PDE4B: variants seen among roughly 807,000 people sequenced by gnomAD.
The protein encoded by PDE4B is phosphodiesterase 4B.
In PDE4B, 20 loss-of-function variants were observed where a neutral mutation model predicts 82.2. That is an observed-to-expected ratio of 0.24 (90% CI 0.17 to 0.35). PDE4B has a LOEUF of 0.35. Ranked by LOEUF, PDE4B falls within the 10% of genes least tolerant of loss-of-function variation. The probability of loss-of-function intolerance (pLI) is 1.00; values close to 1 mark genes in which losing one functional copy is unlikely to be tolerated. For missense variants in PDE4B, 655 were observed against 907.2 expected, an observed-to-expected ratio of 0.72 and a Z score of 3.57; for synonymous variants, 320 against 318.9, an observed-to-expected ratio of 1.00 and a Z score of -0.04.
chr1:66,273,260 T>C (rs1655640801), intron 7 of PDE4B, among the ~76,000 whole-genome samples: 1 of 152,336 alleles, frequency 6.6e-6, no homozygotes, highest in Admixed American at 6.5e-5. Context: ...ATCCCTGAAA[T>C]ACACCAGGAT....
At chr1:66,060,080 A>G (rs1163917053) in intron 3 of PDE4B, among the ~76,000 whole-genome samples, 2 of 152,230 alleles carry the variant, frequency 1.3e-5, no homozygotes, top group Non-Finnish European at 2.9e-5. Flanking sequence ...TTTAACTACT[A>G]TAGCATAGCA....
intron 3 of PDE4B, among the ~76,000 whole-genome samples, chr1:66,132,371 T>C (rs1645967017): frequency 6.6e-6 from 1 of 152,228 alleles, no homozygotes. Context: ...GTTTCTTTTT[T>C]ATTTGTAAAA....
intron 1 of PDE4B, among the ~76,000 whole-genome samples, chr1:65,897,055 A>G (rs1646918541): frequency 6.6e-6 from 1 of 152,188 alleles, no homozygotes; most frequent in Admixed American, 6.6e-5. Flanking sequence ...CTCACATGCA[A>G]GACTTTGCCA....
intron 3 of PDE4B, among the ~76,000 whole-genome samples, chr1:66,214,282 G>A (rs1296459884): frequency 2.6e-5 from 4 of 152,268 alleles, no homozygotes; most frequent in South Asian, 2.1e-4. Flanking sequence ...TTAAGCAAAA[G>A]GAAAGATCAA....
In PDE4B at chr1:66,174,538, A is replaced by G. The variant is rs557978077; in HGVS notation, c.282-72922A>G. ...TTTAGGAGGCCGAGGCGGGCGGATC[A>G]CAAGGTCAGGAGTTCGAGACCAGCC... is the stretch of plus-strand genomic sequence containing the variant. On this transcript the variant is annotated intron_variant, in intron 3 of 16. Coordinates refer to ENST00000341517, the MANE Select transcript of PDE4B (RefSeq NM_002600.4). Among the ~76,000 whole-genome samples the G allele has an allele frequency of 1.1e-3, 162 of 152,240 alleles. 4 individuals are homozygous for G. In the South Asian group the frequency reaches 0.033, roughly 31 times the overall value.
intron 1 of PDE4B, among the ~76,000 whole-genome samples, chr1:65,875,038 C>A (rs28875206): frequency 2.0e-5 from 3 of 149,630 alleles, no homozygotes; most frequent in African/African-American, 4.9e-5. Context: ...AGAAAATTTT[C>A]GCAACCTACT....
intron 3 of PDE4B, among the ~76,000 whole-genome samples, chr1:66,024,939 A>C (rs552089345): frequency 6.6e-6 from 1 of 152,066 alleles, no homozygotes; most frequent in Non-Finnish European, 1.5e-5. Flanking sequence ...ACTTAACTAA[A>C]GTATTATGTA....
chr1:66,080,983 TGTAA>T (rs1467945902), intron 3 of PDE4B, among the ~76,000 whole-genome samples: 2 of 152,132 alleles, frequency 1.3e-5, no homozygotes, highest in East Asian at 1.9e-4. Context: ...AGCTCCCACT[TGTAA>T]GTGAGAACAT....
chr1:65,993,628 T>A (rs1209744721), intron 3 of PDE4B, among the ~76,000 whole-genome samples: 3 of 152,164 alleles, frequency 2.0e-5, no homozygotes, highest in African/African-American at 7.2e-5. Flanking sequence ...TATAAACCAG[T>A]GAGTTTTTGA....
intron 3 of PDE4B, among the ~76,000 whole-genome samples, chr1:66,119,904 C>A (rs1266418410): frequency 6.6e-6 from 1 of 152,042 alleles, no homozygotes; most frequent in Non-Finnish European, 1.5e-5. Flanking sequence ...AATGAGAATG[C>A]CATCTACAAG....
intron 7 of PDE4B, among the ~76,000 whole-genome samples, chr1:66,290,599 C>G (rs1408345906): frequency 6.6e-6 from 1 of 152,130 alleles, no homozygotes; most frequent in African/African-American, 2.4e-5. Flanking sequence ...GAATCTAACC[C>G]AAAATGCAAA....
chr1:65,874,666 G>A (rs1231327384), intron 1 of PDE4B, among the ~76,000 whole-genome samples: 1 of 151,590 alleles, frequency 6.6e-6, no homozygotes, highest in Admixed American at 6.6e-5. Context: ...TCTGATCTTT[G>A]ACAAACCTGA....
intron 10 of PDE4B, 58 bp from the exon 11 acceptor site, chr1:66,363,110 T>C: frequency 8.7e-7 from 1 of 1,147,332 alleles, no homozygotes; most frequent in Non-Finnish European, 1.3e-6. Context: ...ATTAAAAAAA[T>C]GAGGCATGTT....
chr1:65,835,918 C>CT (rs902471101), intron 1 of PDE4B, among the ~76,000 whole-genome samples: 527 of 148,604 alleles, frequency 3.5e-3, no homozygotes, highest in African/African-American at 9.7e-3. Context: ...GCTTTACTCT[C>CT]TTTTTTTTTT....
chr1:66,090,479 A>G (rs1184034942), intron 3 of PDE4B, among the ~76,000 whole-genome samples: 1 of 151,432 alleles, frequency 6.6e-6, no homozygotes, highest in African/African-American at 2.4e-5. Context: ...CTTATGTTGG[A>G]TGGTTCAGCA....
In PDE4B at chr1:66,363,209, T is replaced by C. The variant is rs2102036105; in HGVS notation, c.1062T>C (p.Asn354=). The C allele has an allele frequency of 1.2e-6, 2 of 1,613,192 alleles. No individual in the cohort carries two copies. Among genetic ancestry groups the C allele is most frequent in the Non-Finnish European group, 1.7e-6 (2 of 1,179,264 alleles). The change falls in exon 11 of 17, where the codon AAT becomes AAC. Residue 354 remains asparagine (N), a synonymous_variant. Transcript: ENST00000341517. ...ACAAATGGGGTCTTAACATCTTTAA[T>C]GTGGCTGGATATTCTCACAATAGAC... The part of the protein sequence containing the change: ...DLNKWGLNIF[N]VAGYSHNRPL...
intron 3 of PDE4B, among the ~76,000 whole-genome samples, chr1:66,148,543 A>G (rs1646320445): frequency 6.6e-6 from 1 of 152,154 alleles, no homozygotes; most frequent in African/African-American, 2.4e-5. Context: ...TTACAATTTA[A>G]TTATTTTTAG....
chr1:65,866,303 C>A (rs1193064615), intron 1 of PDE4B, among the ~76,000 whole-genome samples: 1 of 151,712 alleles, frequency 6.6e-6, no homozygotes, highest in Non-Finnish European at 1.5e-5. Flanking sequence ...CACCAAAAAC[C>A]CCTGAACATG....
At chr1:65,974,640 A>T (rs543757596) in intron 3 of PDE4B, among the ~76,000 whole-genome samples, 1 of 152,254 alleles carries the variant, frequency 6.6e-6, no homozygotes, top group Admixed American at 6.5e-5. Context: ...TGGGAGGTGA[A>T]TGAATCATGG....
Sources: gnomAD v4.1 joint callset for allele counts (sites outside exome capture counted in the v4.1 genomes callset) on GRCh38, gnomAD v4.1.1 for gene constraint, MANE v1.5 for transcripts, NCBI Gene and HGNC (gene_info 2026-07-23, HGNC 2026-07-21) for gene names.